The following ANKRD44 variants were observed in gnomAD, a reference collection of about 807,000 sequenced individuals.
The protein encoded by ANKRD44 is ankyrin repeat domain 44, also known as serine/threonine-protein phosphatase 6 regulatory ankyrin repeat subunit B.
In ANKRD44, 35 loss-of-function variants were observed where a neutral mutation model predicts 116.0. The ratio of observed to expected loss-of-function variants is 0.30; its 90% CI spans 0.23 to 0.40. ANKRD44 has a LOEUF of 0.40. Ranked by LOEUF, ANKRD44 falls within the 10% of genes least tolerant of loss-of-function variation. ANKRD44 has a pLI of 1.00. For missense variants in ANKRD44, 1,014 were observed against 1,242.6 expected (o/e 0.82, Z 2.77); for synonymous variants, 435 against 461.8 (o/e 0.94, Z 0.74).
chr2:196,983,702 A>G (rs1282083533), downstream of ANKRD44, among the ~76,000 whole-genome samples: 1 of 152,236 alleles, frequency 6.6e-6, no homozygotes, highest in African/African-American at 2.4e-5. Context: ...AATACACAGT[A>G]CTTCATTAAA....
At chr2:197,222,522 A>C (rs2081607701) in intron 1 of ANKRD44, among the ~76,000 whole-genome samples, 1 of 152,140 alleles carries the variant, frequency 6.6e-6, no homozygotes, top group African/African-American at 2.4e-5. Context: ...TCGCCCAAGG[A>C]CACATCCTCT....
chr2:196,967,280 C>T, exon 22 of ANKRD44: 1 of 312,716 alleles, frequency 3.2e-6, no homozygotes, highest in Non-Finnish European at 7.0e-6. Flanking sequence ...CACAGACAGG[C>T]AAGGCGAATC....
intron 4 of ANKRD44, among the ~76,000 whole-genome samples, chr2:197,130,120 T>C (rs948940018): frequency 3.3e-5 from 5 of 152,212 alleles, no homozygotes; most frequent in Admixed American, 2.6e-4. Flanking sequence ...TGCTCTTAAG[T>C]CCTGCAGGCT....
At chr2:197,264,053 G>A (rs2697279) in intron 1 of ANKRD44, among the ~76,000 whole-genome samples, 35,849 of 152,068 alleles carry the variant, frequency 0.24, 4,408 homozygotes, top group African/African-American at 0.3. Context: ...CTAGGAGCTT[G>A]AGACCAGCCT....
chr2:197,076,470 A>G (rs1398424392), intron 16 of ANKRD44, among the ~76,000 whole-genome samples: 1 of 151,840 alleles, frequency 6.6e-6, no homozygotes, highest in African/African-American at 2.4e-5. Context: ...CCCCCTCAAA[A>G]CCCCACTTCT....
intron 16 of ANKRD44, among the ~76,000 whole-genome samples, chr2:197,030,314 G>A (rs2076680890): frequency 6.6e-6 from 1 of 152,322 alleles, no homozygotes; most frequent in East Asian, 1.9e-4. Flanking sequence ...TTTAGAAGAC[G>A]GAAGTGAGGC....
intron 1 of ANKRD44, among the ~76,000 whole-genome samples, chr2:197,245,259 C>T (rs769160810): frequency 1.3e-5 from 2 of 151,866 alleles, no homozygotes; most frequent in African/African-American, 2.4e-5. Flanking sequence ...GACTCCATCT[C>T]AATAATAATA....
In ANKRD44 at chr2:197,134,879, C is replaced by T. The variant is rs1344892205; in HGVS notation, c.261+1713G>A. The stretch of plus-strand genomic sequence containing the variant: ...TGGTCTTAAAAGGCCAGGAAATACT[C>T]CTCTATGAAGGGGTTGGTCTCATGA... On this transcript the variant is annotated intron_variant, in intron 4 of 27. Coordinates refer to ENST00000282272, the MANE Select transcript of ANKRD44 (RefSeq NM_001195144.2). 2.0e-5 allele frequency: 3 copies of T among 152,094 alleles called. No individual in the cohort carries two copies. The East Asian group carries it at 5.8e-4, about 29-fold the overall frequency. The allele number at this position is 152,094 out of a possible 1,614,324, so 9.4% of individuals were successfully genotyped here. A position where few individuals can be genotyped will look rare whatever the true frequency, so the allele number is the denominator to read the frequency against.
intron 1 of ANKRD44, among the ~76,000 whole-genome samples, chr2:197,290,450 T>G (rs997037469): frequency 4.6e-5 from 7 of 152,324 alleles, no homozygotes; most frequent in African/African-American, 1.7e-4. Flanking sequence ...TTTTTATTGC[T>G]GATTCACTTG....
chr2:197,254,114 G>A (rs905301367), intron 1 of ANKRD44, among the ~76,000 whole-genome samples: 8 of 152,240 alleles, frequency 5.3e-5, no homozygotes, highest in African/African-American at 9.6e-5. Context: ...ACTCCAAGAC[G>A]AGGCACGGTG....
intron 1 of ANKRD44, among the ~76,000 whole-genome samples, chr2:197,274,762 T>C (rs1485119091): frequency 6.6e-6 from 1 of 152,116 alleles, no homozygotes; most frequent in Non-Finnish European, 1.5e-5. Context: ...GTTTCTTTAA[T>C]GGGACAAAGA....
chr2:197,282,020 G>A (rs187249578), intron 1 of ANKRD44, among the ~76,000 whole-genome samples: 28 of 152,196 alleles, frequency 1.8e-4, no homozygotes, highest in East Asian at 1.7e-3. Context: ...TTGGGAGGCC[G>A]AGGCGGGCAG....
rs920868382 is a variant in ANKRD44, at chr2:197,212,535, A to G, written c.28-25429T>C. 2.0e-5 allele frequency among the ~76,000 whole-genome samples: 3 copies of G among 152,216 alleles called. No homozygotes were observed. Among genetic ancestry groups the G allele is most frequent in the East Asian group, 1.9e-4 (1 of 5,194 alleles). On this transcript the variant is annotated intron_variant, in intron 1 of 27. Transcript: ENST00000282272. This position sits in a 1 kb window ranked among gnomAD's most constrained non-coding sequence, Gnocchi z 4.8. ...CCACTATATCCCTAACTGCTAGCAC[A>G]TAGTAGGCCCTCAATAAATCTCTGC...
At chr2:197,223,032 C>T (rs1431328378) in intron 1 of ANKRD44, among the ~76,000 whole-genome samples, 1 of 151,950 alleles carries the variant, frequency 6.6e-6, no homozygotes, top group African/African-American at 2.4e-5. Flanking sequence ...AGGCTGGTCT[C>T]GAACTCCTGA....
intron 1 of ANKRD44, among the ~76,000 whole-genome samples, chr2:197,255,517 TA>T (rs758844112): frequency 3.3e-5 from 5 of 152,262 alleles, no homozygotes; most frequent in Non-Finnish European, 7.3e-5. Flanking sequence ...CCTTCTTTTC[TA>T]GCAAGAAGGA....
chr2:197,151,103 A>C (rs2079636358), intron 2 of ANKRD44, among the ~76,000 whole-genome samples: 1 of 134,910 alleles, frequency 7.4e-6, no homozygotes. Context: ...TAATCCAGGA[A>C]CTTTCAAGTT....
intron 2 of ANKRD44, among the ~76,000 whole-genome samples, chr2:197,163,581 G>C (rs922597853): frequency 6.6e-6 from 1 of 152,322 alleles, no homozygotes; most frequent in South Asian, 2.1e-4. Flanking sequence ...TCTAGATGTT[G>C]GAACAGTCAT....
At chr2:196,969,447 T>C (rs2075698922) in intron 21 of ANKRD44, among the ~76,000 whole-genome samples, 1 of 151,650 alleles carries the variant, frequency 6.6e-6, no homozygotes, top group African/African-American at 2.4e-5. Flanking sequence ...ATTCTTCCAC[T>C]CCAGAAAAAA....
At chr2:197,231,233 G>A (rs1335307980) in intron 1 of ANKRD44, among the ~76,000 whole-genome samples, 1 of 151,948 alleles carries the variant, frequency 6.6e-6, no homozygotes, top group Non-Finnish European at 1.5e-5. Flanking sequence ...GACCAGCCTG[G>A]GCAACATAGC....
Sources: gnomAD v4.1 joint callset for allele counts (sites outside exome capture counted in the v4.1 genomes callset) on GRCh38, gnomAD v4.1.1 for gene constraint, Gnocchi (gnomAD v3.1) non-coding constraint, MANE v1.5 for transcripts, NCBI Gene and HGNC (gene_info 2026-07-23, HGNC 2026-07-21) for gene names.